PLEKHB2: variants seen among roughly 807,000 people sequenced by gnomAD.
The protein encoded by PLEKHB2 is pleckstrin homology domain containing B2.
PLEKHB2 carries 31 observed loss-of-function variants against 36.5 expected under a neutral mutation model. The observed-to-expected ratio is 0.85, with a 90% CI of 0.64 to 1.15. The LOEUF is 1.15. Among genes scored for constraint, PLEKHB2 ranks in the 50% most tolerant of loss-of-function variants. PLEKHB2 has a pLI of 0.00. For synonymous variants in PLEKHB2, 119 were observed against 112.0 expected, an observed-to-expected ratio of 1.06 and a Z score of -0.39; for missense variants, 262 against 295.3, an observed-to-expected ratio of 0.89 and a Z score of 0.83.
At chr2:131,125,990 G>C in intron 3 of PLEKHB2, 85 bp downstream of exon 3, 1 of 1,353,972 alleles carries the variant, frequency 7.4e-7, no homozygotes, top group Non-Finnish European at 1.0e-6. Flanking sequence ...TCCCTGTTCT[G>C]CTTTCATTAA....
In PLEKHB2 at chr2:131,147,723, A is replaced by G. The variant is rs3203233; in HGVS notation, c.*950A>G. 34,086 of 151,216 alleles carry G rather than the reference A, an allele frequency of 0.23. 5,658 individuals are homozygous for G. The highest frequency in any genetic ancestry group is 0.47 in the African/African-American group (19,355 of 40,962). 9.4% of individuals were successfully genotyped at this position (151,216 alleles called of 1,614,324 possible). ...TGAGGCAGGAGAATAGTGTGAACCCAGGAGGCGGAGCTTGCAGTGAGCCAA... is the reference window on the plus strand; with the variant it reads ...TGAGGCAGGAGAATAGTGTGAACCCGGGAGGCGGAGCTTGCAGTGAGCCAA... On this transcript the variant is annotated 3_prime_UTR_variant, in exon 8 of 8. Transcript: ENST00000693505.
intron 1 of PLEKHB2, among the ~76,000 whole-genome samples, chr2:131,119,565 T>C (rs1696255730): frequency 6.6e-6 from 1 of 152,180 alleles, no homozygotes; most frequent in Non-Finnish European, 1.5e-5. Flanking sequence ...TCTGTGTTGG[T>C]GAACCTCTGC....
At position 131,144,933 on chromosome 2, in the gene PLEKHB2, C is replaced by T. The variant is rs1384390203; in HGVS notation, c.533-1704C>T. 5.9e-5 allele frequency among the ~76,000 whole-genome samples: 9 copies of T among 152,306 alleles called. No homozygotes were observed. The East Asian group carries it at 9.6e-4, about 16-fold the overall frequency. On this transcript the variant is annotated intron_variant, in intron 7 of 7. Transcript: ENST00000693505. ...ATGTCAGGGCTGTGAAAGTAAATGC[C>T]GTAATTCCCTAGTTTTGAAATTTAA...
At chr2:131,137,020 C>T (rs1358391718) in intron 6 of PLEKHB2, among the ~76,000 whole-genome samples, 3 of 149,810 alleles carry the variant, frequency 2.0e-5, no homozygotes, top group Non-Finnish European at 4.4e-5. Flanking sequence ...GATCTCGGCT[C>T]ACTGCAAGCT....
chr2:131,107,355 G>C (rs1271248570), intron 1 of PLEKHB2: 3 of 152,182 alleles, frequency 2.0e-5, no homozygotes, highest in Admixed American at 6.5e-5. Context: ...GCTTGTATTA[G>C]GCTTGTTGTT....
intron 1 of PLEKHB2, among the ~76,000 whole-genome samples, chr2:131,112,023 T>C (rs1382621713): frequency 1.3e-5 from 2 of 152,222 alleles, no homozygotes; most frequent in Admixed American, 6.5e-5. Flanking sequence ...TCTTTTTGTA[T>C]GCTAATGATT....
chr2:131,106,413 G>A (rs1407688982), intron 1 of PLEKHB2, among the ~76,000 whole-genome samples: 1 of 152,152 alleles, frequency 6.6e-6, no homozygotes, highest in Non-Finnish European at 1.5e-5. Flanking sequence ...TGACTTGTCC[G>A]AAGTCACATG....
intron 2 of PLEKHB2, among the ~76,000 whole-genome samples, chr2:131,125,225 T>G (rs1408198070): frequency 6.6e-6 from 1 of 152,244 alleles, no homozygotes; most frequent in Non-Finnish European, 1.5e-5. Context: ...GTTTAAAGTT[T>G]AGTACTGTAT....
chr2:131,146,042 C>T (rs912672759), intron 7 of PLEKHB2, among the ~76,000 whole-genome samples: 1 of 151,840 alleles, frequency 6.6e-6, no homozygotes, highest in Non-Finnish European at 1.5e-5. Flanking sequence ...ATTAGCCAGG[C>T]GTGGTGGTGG....
chr2:131,116,852 A>G (rs1364056802), intron 1 of PLEKHB2, among the ~76,000 whole-genome samples: 1 of 152,176 alleles, frequency 6.6e-6, no homozygotes, highest in Non-Finnish European at 1.5e-5. Flanking sequence ...TCGGCCAGGC[A>G]CAGTGGCTCA....
At chr2:131,143,925 G>A (rs2104982954) in intron 7 of PLEKHB2, among the ~76,000 whole-genome samples, 1 of 152,340 alleles carries the variant, frequency 6.6e-6, no homozygotes, top group African/African-American at 2.4e-5. Flanking sequence ...GCTCTCGTCA[G>A]TAGAGTAGAA....
At chr2:131,110,655 G>A (rs1695211400) in intron 1 of PLEKHB2, among the ~76,000 whole-genome samples, 2 of 152,172 alleles carry the variant, frequency 1.3e-5, no homozygotes, top group Non-Finnish European at 2.9e-5. Flanking sequence ...TTATGCTCAA[G>A]AGCCACCATG....
rs772410642 is a variant in PLEKHB2, at chr2:131,146,686, T to C, written c.582T>C (p.Tyr194=). 3 of 1,613,920 alleles carry C rather than the reference T, an allele frequency of 1.9e-6. No homozygotes were observed. Among genetic ancestry groups the C allele is most frequent in the South Asian group, 2.2e-5 (2 of 91,048 alleles). The change falls in exon 8 of 8, where the codon TAT becomes TAC. Residue 194 remains tyrosine, a synonymous_variant. Coordinates refer to ENST00000693505, the MANE Select transcript of PLEKHB2 (RefSeq NM_001100623.2). ...PANQVIIRER[Y]RDNDSDLALG... is the part of the protein sequence containing the mutation. ...ACCAAGTCATCATTCGAGAGCGCTA[T>C]CGAGACAACGACAGCGACCTGGCAC...
At chr2:131,144,435 C>A in intron 7 of PLEKHB2, 1 of 1,226,668 alleles carries the variant, frequency 8.2e-7, no homozygotes, top group Non-Finnish European at 1.0e-6. Flanking sequence ...CGTCATTGCA[C>A]TGCAGTTTCC....
chr2:131,126,696 C>T lies in PLEKHB2; in HGVS notation c.203C>T (p.Pro68Leu), dbSNP rs763908023. 9 of 1,601,994 alleles carry T rather than the reference C, an allele frequency of 5.6e-6. No homozygotes were observed. Among genetic ancestry groups the T allele is most frequent in the East Asian group, 2.2e-5 (1 of 44,820 alleles). ...TGQECRDTQP[P>L]DGKSKDCMLQ... ...TTATTTTTCATAGATACTCAGCCCC[C>T]GGATGGAAAGTCAAAAGACTGCATG... The change falls in exon 4 of 8, where the codon CCG becomes CTG. Residue 68 changes from proline (P) to leucine (L), a missense_variant. By Grantham distance (98) the Pro-to-Leu change is moderately conservative. Coordinates refer to ENST00000693505, the MANE Select transcript of PLEKHB2 (RefSeq NM_001100623.2).
intron 6 of PLEKHB2, among the ~76,000 whole-genome samples, chr2:131,138,877 G>C (rs538988890): frequency 3.3e-5 from 5 of 152,280 alleles, no homozygotes; most frequent in African/African-American, 7.2e-5. Context: ...CACCCAGCAG[G>C]ATGGGGGTGT....
intron 5 of PLEKHB2, among the ~76,000 whole-genome samples, chr2:131,131,896 C>T (rs766111846): frequency 2.0e-5 from 3 of 151,258 alleles, no homozygotes; most frequent in East Asian, 3.9e-4. Flanking sequence ...TGCAGTGGAG[C>T]GATCTCGGCT....
intron 4 of PLEKHB2, among the ~76,000 whole-genome samples, chr2:131,129,949 A>G (rs1025028842): frequency 2.0e-5 from 3 of 152,100 alleles, no homozygotes; most frequent in Non-Finnish European, 1.5e-5. Flanking sequence ...TTATGTTTTT[A>G]TCCTTTGATG....
At chr2:131,131,304 A>C (rs1036043846) in intron 5 of PLEKHB2, among the ~76,000 whole-genome samples, 1 of 152,222 alleles carries the variant, frequency 6.6e-6, no homozygotes, top group Admixed American at 6.5e-5. Context: ...GTATTTCTCA[A>C]AGTTCTGCAA....
Sources: gnomAD v4.1 joint callset for allele counts (sites outside exome capture counted in the v4.1 genomes callset) on GRCh38, gnomAD v4.1.1 for gene constraint, MANE v1.5 for transcripts, NCBI Gene and HGNC (gene_info 2026-07-23, HGNC 2026-07-21) for gene names.